Variants in FANK1 observed in about 807,000 individuals in gnomAD.
The protein encoded by FANK1 is fibronectin type 3 and ankyrin repeat domains protein 1.
A neutral mutation model predicts 45.3 loss-of-function variants in FANK1; 44 were observed. The ratio of observed to expected loss-of-function variants is 0.97; its 90% confidence interval spans 0.76 to 1.25. The LOEUF (loss-of-function observed/expected upper bound fraction) is 1.25, where lower values mean the gene tolerates loss of function less well. Ranked by LOEUF, FANK1 falls within the 50% of genes most tolerant of loss-of-function variation. The pLI is 0.00. For missense variants in FANK1, 391 were observed against 424.4 expected (o/e 0.92, Z 0.69); for synonymous variants, 149 against 152.5 (o/e 0.98, Z 0.17).
chr10:125,990,376 AC>A (rs1277129671), intron 3 of FANK1, among the ~76,000 whole-genome samples: 5 of 152,210 alleles, frequency 3.3e-5, no homozygotes, highest in Admixed American at 3.3e-4. Context: ...AGCCTGGGCA[AC>A]AGAGCAGGAC....
chr10:125,976,760 C>CTACA (rs1950880592), intron 1 of FANK1, among the ~76,000 whole-genome samples: 1 of 152,018 alleles, frequency 6.6e-6, no homozygotes, highest in African/African-American at 2.4e-5. Context: ...GTAGCTGGGA[C>CTACA]TACAGGTGCC....
intron 6 of FANK1, among the ~76,000 whole-genome samples, chr10:126,002,746 G>C (rs1263653467): frequency 1.3e-5 from 2 of 148,516 alleles, no homozygotes; most frequent in East Asian, 3.9e-4. Flanking sequence ...GTTGACATTT[G>C]GCCATATTTG....
chr10:125,927,609 G>A (rs1589894033), intron 1 of FANK1, among the ~76,000 whole-genome samples: 1 of 151,916 alleles, frequency 6.6e-6, no homozygotes, highest in Non-Finnish European at 1.5e-5. Flanking sequence ...GAGTGCAATG[G>A]CGCAATCTCA....
chr10:125,904,550 C>T (rs112853892), intron 1 of FANK1, among the ~76,000 whole-genome samples: 1 of 151,756 alleles, frequency 6.6e-6, no homozygotes, highest in Non-Finnish European at 1.5e-5. Flanking sequence ...TCTTGAGTAG[C>T]TGGGACTACA....
At chr10:125,913,016 A>G (rs1009190636) in intron 1 of FANK1, among the ~76,000 whole-genome samples, 1 of 152,264 alleles carries the variant, frequency 6.6e-6, no homozygotes, top group Non-Finnish European at 1.5e-5. Flanking sequence ...AAAATTATGT[A>G]TCATGGAAAT....
intron 1 of FANK1, chr10:125,972,856 C>T (rs1386167430): frequency 2.0e-5 from 3 of 151,886 alleles, no homozygotes; most frequent in African/African-American, 7.3e-5. Flanking sequence ...CTTGGAGAGA[C>T]CATGCTGCCA....
rs149576713 is a variant in FANK1, at chr10:125,909,959, C to T, written c.13+13304C>T. On this transcript the variant is annotated intron_variant, in intron 1 of 10. Coordinates refer to ENST00000368693, the MANE Select transcript of FANK1 (RefSeq NM_145235.5). ...AAAATTGTATTGAAGTATAATATAC[C>T]TGAGAGAAAGTGTGCCATCTTAAAT... 6.8e-4 allele frequency among the ~76,000 whole-genome samples: 103 copies of T among 151,128 alleles called. No individual in the cohort carries two copies. The South Asian group carries it at 9.2e-3, about 13-fold the overall frequency.
intron 6 of FANK1, among the ~76,000 whole-genome samples, chr10:125,998,071 A>C (rs777218435): frequency 1.6e-4 from 24 of 152,260 alleles, no homozygotes; most frequent in Non-Finnish European, 2.4e-4. Context: ...ACACTTGCTC[A>C]TCTAGTCATT....
chr10:125,963,328 G>T (rs1022883362), intron 1 of FANK1, among the ~76,000 whole-genome samples: 3 of 152,202 alleles, frequency 2.0e-5, no homozygotes, highest in Non-Finnish European at 4.4e-5. Context: ...CATTGTGGGA[G>T]ACAGTGTGGT....
At chr10:125,918,585 A>AATATATATATATATATATATAT (rs1197525883) in intron 1 of FANK1, among the ~76,000 whole-genome samples, 23 of 70,950 alleles carry the variant, frequency 3.2e-4, no homozygotes, top group African/African-American at 1.7e-3. Context: ...AAAAAAAAAA[A>AATATATATATATATATATATAT]ATATATATAT....
chr10:125,979,716 G>T, intron 1 of FANK1: 1 of 357,164 alleles, frequency 2.8e-6, no homozygotes, highest in Admixed American at 3.3e-5. Context: ...TTTATTCCTG[G>T]TTAGTTTCTG....
At chr10:125,988,483 G>T in intron 2 of FANK1, 68 bp from the exon 3 acceptor site, 1 of 1,566,582 alleles carries the variant, frequency 6.4e-7, no homozygotes, top group Non-Finnish European at 8.7e-7. Context: ...CTGCTCTTCT[G>T]CTGTCTTATC....
At chr10:125,917,226 A>G (rs1369796145) in intron 1 of FANK1, among the ~76,000 whole-genome samples, 2 of 152,232 alleles carry the variant, frequency 1.3e-5, no homozygotes, top group Non-Finnish European at 1.5e-5. Flanking sequence ...ATGAGATTCC[A>G]GTCTACTTGA....
intron 1 of FANK1, among the ~76,000 whole-genome samples, chr10:125,935,497 G>T (rs1024027049): frequency 6.6e-6 from 1 of 152,156 alleles, no homozygotes; most frequent in Non-Finnish European, 1.5e-5. Flanking sequence ...CTAAAGTCTT[G>T]TTGGGAACTT....
At chr10:125,896,914 G>A (rs558298046) in intron 1 of FANK1, among the ~76,000 whole-genome samples, 1 of 152,272 alleles carries the variant, frequency 6.6e-6, no homozygotes, top group South Asian at 2.1e-4. Context: ...CCGAGGTATG[G>A]GTGGGGAAGG....
At chr10:125,907,797 A>G (rs1945659944) in intron 1 of FANK1, among the ~76,000 whole-genome samples, 1 of 152,116 alleles carries the variant, frequency 6.6e-6, no homozygotes, top group Non-Finnish European at 1.5e-5. Flanking sequence ...CCTCCAGCCA[A>G]TACCCAATAA....
At chr10:125,994,740 C>CGCCT (rs752275182) in intron 3 of FANK1, 5 of 985,250 alleles carry the variant, frequency 5.1e-6, no homozygotes, top group Non-Finnish European at 6.0e-6. Context: ...TTGTGCTGCC[C>CGCCT]GCCTGCCTGT....
chr10:125,983,471 G>T lies in FANK1; in HGVS notation c.191+3133G>T, dbSNP rs1302241898. On this transcript the variant is annotated intron_variant, in intron 2 of 10. Coordinates refer to ENST00000368693, the MANE Select transcript of FANK1 (RefSeq NM_145235.5). The surrounding 1 kb of genome is among the most constrained non-coding windows in gnomAD (Gnocchi z 4.3). The stretch of plus-strand genomic sequence containing the variant: ...CATAAGTAAAAATAGGTAGTCAGCA[G>T]GCAATACATACTGAGGGGCAGCAGC... Among the ~76,000 whole-genome samples the T allele has an allele frequency of 2.6e-5, 4 of 152,198 alleles. No individual in the cohort carries two copies. The highest frequency in any genetic ancestry group is 4.4e-5 in the Non-Finnish European group (3 of 68,042).
Position 125,983,262 on chromosome 10 carries a change from T to C in FANK1, c.191+2924T>C, listed in dbSNP as rs1419917590. 6.6e-6 allele frequency among the ~76,000 whole-genome samples: 1 copy of C among 152,136 alleles called. No homozygotes were observed. The highest frequency in any genetic ancestry group is 1.5e-5 in the Non-Finnish European group (1 of 68,024). ...ACCTCCACTGAGAAGCTCTCCTTAC[T>C]ACCCTATTGTCTGTGCCCTAAATTC... On this transcript the variant is annotated intron_variant, in intron 2 of 10. Transcript: ENST00000368693. The surrounding 1 kb of genome is among the most constrained non-coding windows in gnomAD (Gnocchi z 4.3).
Sources: gnomAD v4.1 joint callset for allele counts (sites outside exome capture counted in the v4.1 genomes callset) on GRCh38, gnomAD v4.1.1 for gene constraint, Gnocchi (gnomAD v3.1) non-coding constraint, MANE v1.5 for transcripts, NCBI Gene and HGNC (gene_info 2026-07-23, HGNC 2026-07-21) for gene names.